The following ADCY9 variants were observed in gnomAD, a reference collection of about 807,000 sequenced individuals.
ADCY9 encodes the protein adenylate cyclase 9.
A neutral mutation model predicts 101.5 loss-of-function variants in ADCY9; 50 were observed. That is an observed-to-expected ratio of 0.49 (90% CI 0.39 to 0.62). The LOEUF is 0.62. Among genes scored for constraint, ADCY9 ranks in the 20% least tolerant of loss-of-function variants. The pLI, the probability that ADCY9 is intolerant of heterozygous loss-of-function variation, is 0.00. For missense variants in ADCY9, 1,662 were observed against 1,800.4 expected, an observed-to-expected ratio of 0.92 and a Z score of 1.39; for synonymous variants, 905 against 769.3, an observed-to-expected ratio of 1.18 and a Z score of -2.92.
intron 2 of ADCY9, among the ~76,000 whole-genome samples, chr16:4,026,981 TTC>T (rs1411280572): frequency 2.6e-5 from 4 of 152,146 alleles, no homozygotes; most frequent in Non-Finnish European, 4.4e-5. Flanking sequence ...CTCTGATTGG[TTC>T]CCTCCCGCAA....
At chr16:4,055,258 C>A (rs369217373) in intron 2 of ADCY9, among the ~76,000 whole-genome samples, 38 of 152,222 alleles carry the variant, frequency 2.5e-4, no homozygotes, top group African/African-American at 8.7e-4. Context: ...TGGGGTCAGG[C>A]GTGGTGGCTT....
intron 3 of ADCY9, among the ~76,000 whole-genome samples, chr16:3,999,737 T>C (rs1416247283): frequency 6.6e-6 from 1 of 152,192 alleles, no homozygotes. Context: ...GGATTATCTT[T>C]GCTCCTTCCC....
At chr16:4,001,850 G>C (rs532863192) in intron 3 of ADCY9, among the ~76,000 whole-genome samples, 1 of 151,790 alleles carries the variant, frequency 6.6e-6, no homozygotes, top group Non-Finnish European at 1.5e-5. Flanking sequence ...CCAGGTTCAA[G>C]AGATTCTCCT....
intron 2 of ADCY9, among the ~76,000 whole-genome samples, chr16:4,010,756 G>A (rs989876856): frequency 2.6e-5 from 4 of 152,158 alleles, no homozygotes; most frequent in Non-Finnish European, 4.4e-5. Flanking sequence ...GCTGTGGCTC[G>A]AACGTGTCCC....
At chr16:4,064,135 A>G (rs1169003352) in intron 2 of ADCY9, among the ~76,000 whole-genome samples, 5 of 152,246 alleles carry the variant, frequency 3.3e-5, no homozygotes, top group Admixed American at 6.5e-5. Context: ...TTTTGTGTAT[A>G]CCAGCAATGA....
chr16:4,001,540 C>A (rs994350394), intron 3 of ADCY9, among the ~76,000 whole-genome samples: 1 of 152,090 alleles, frequency 6.6e-6, no homozygotes, highest in Non-Finnish European at 1.5e-5. Context: ...GTTCCTATTC[C>A]TACCCCGCCC....
intron 2 of ADCY9, among the ~76,000 whole-genome samples, chr16:4,084,609 C>T (rs1173926610): frequency 6.6e-6 from 1 of 151,994 alleles, no homozygotes; most frequent in East Asian, 1.9e-4. Context: ...ACCTCTAGCT[C>T]CAGCTACTCA....
chr16:4,077,733 C>T lies in ADCY9; in HGVS notation c.1693+36017G>A, dbSNP rs149409959. ...ATCAGACACAGGCCAGGCGCGGTGA[C>T]TCACACCTGTAATCCCAACACTTTG... On this transcript the variant is annotated intron_variant, in intron 2 of 10. Transcript: ENST00000294016. Among the ~76,000 whole-genome samples, 1,122 of 152,290 alleles carry T rather than the reference C, an allele frequency of 7.4e-3. 14 individuals are homozygous for T. Among genetic ancestry groups the T allele is most frequent in the African/African-American group, 0.026 (1,086 of 41,570 alleles).
In ADCY9 at chr16:3,969,613, T is replaced by TACG. The variant is rs1491520639; in HGVS notation, c.2871-2648_2871-2647insCGT. Among the ~76,000 whole-genome samples, 305 of 80,988 alleles carry TACG rather than the reference T, an allele frequency of 3.8e-3. 16 individuals carry two copies. The highest frequency in any genetic ancestry group is 9.4e-3 in the African/African-American group (139 of 14,830). 53.1% of individuals were successfully genotyped at this position (80,988 alleles called of 152,430 possible). ...ATATATATATATATATATATATGTA[T>TACG]TTTTTTTTTTTTTTAAGAAGAGACA... On this transcript the variant is annotated intron_variant, in intron 10 of 10. Transcript: ENST00000294016.
At chr16:4,016,491 G>A (rs575074034) in intron 2 of ADCY9, among the ~76,000 whole-genome samples, 7 of 152,268 alleles carry the variant, frequency 4.6e-5, no homozygotes, top group African/African-American at 1.7e-4. Flanking sequence ...AGGGACGGGG[G>A]TCCCAGACCG....
intron 2 of ADCY9, among the ~76,000 whole-genome samples, chr16:4,044,843 A>G (rs7199235): frequency 0.072 from 10,887 of 151,950 alleles, 1,333 homozygotes; most frequent in African/African-American, 0.25. Flanking sequence ...GGGACTCTCC[A>G]CCCCGCCTCT....
intron 2 of ADCY9, among the ~76,000 whole-genome samples, chr16:4,055,442 G>A (rs919450404): frequency 3.9e-5 from 6 of 152,048 alleles, no homozygotes; most frequent in African/African-American, 1.4e-4. Context: ...GCTGAGACAG[G>A]AGAATTGCTT....
chr16:4,019,947 G>A (rs1056081352), intron 2 of ADCY9, among the ~76,000 whole-genome samples: 2 of 152,062 alleles, frequency 1.3e-5, no homozygotes, highest in African/African-American at 2.4e-5. Flanking sequence ...GCGTGGTGGC[G>A]GGAGCCTGTA....
intron 2 of ADCY9, among the ~76,000 whole-genome samples, chr16:4,028,943 C>T (rs912433612): frequency 3.9e-5 from 6 of 152,032 alleles, no homozygotes; most frequent in Admixed American, 1.3e-4. Context: ...TGCCACTGCA[C>T]GCGGCTAATT....
In ADCY9 at chr16:4,010,383, C is replaced by T. The variant is rs560102920; in HGVS notation, c.1694-2825G>A. 5.9e-5 allele frequency among the ~76,000 whole-genome samples: 9 copies of T among 152,322 alleles called. No individual in the cohort carries two copies. The South Asian group carries it at 1.9e-3, about 32-fold the overall frequency. On this transcript the variant is annotated intron_variant, in intron 2 of 10. Transcript: ENST00000294016. ...GGACAGCCAGCACATTCACAGCGCTCAGCACGGCAGTCCACGGGGAGCACG... is the reference window on the plus strand; with the variant it reads ...GGACAGCCAGCACATTCACAGCGCTTAGCACGGCAGTCCACGGGGAGCACG...
chr16:3,963,134 A>ATATATG lies in ADCY9; in HGVS notation c.*2640_*2641insCATATA, dbSNP rs2055953335. On this transcript the variant is annotated 3_prime_UTR_variant, in exon 11 of 11. Transcript: ENST00000294016. ...TATATATATATATATATATATATAT[A>ATATATG]TATATATATGGATATATAATTCGAT... The ATATATG allele has an allele frequency of 8.4e-6, 1 of 118,572 alleles. No homozygotes were observed. Among genetic ancestry groups the ATATATG allele is most frequent in the African/African-American group, 3.1e-5 (1 of 32,108 alleles). 7.3% of individuals were successfully genotyped at this position (118,572 alleles called of 1,614,324 possible). A position where few individuals can be genotyped will look rare whatever the true frequency, so the allele number is the denominator to read the frequency against.
At chr16:4,052,814 T>C (rs1334990842) in intron 2 of ADCY9, among the ~76,000 whole-genome samples, 1 of 152,220 alleles carries the variant, frequency 6.6e-6, no homozygotes, top group East Asian at 1.9e-4. Context: ...TGACCTACCA[T>C]GTTAACTTAG....
chr16:4,083,716 A>T (rs2056919620), intron 2 of ADCY9, among the ~76,000 whole-genome samples: 1 of 152,244 alleles, frequency 6.6e-6, no homozygotes, highest in Admixed American at 6.5e-5. Context: ...ACCATGGGTG[A>T]ACCCAGAAAA....
chr16:3,983,433 T>A lies in ADCY9; in HGVS notation c.2318A>T (p.Lys773Met). Residue 773 changes from lysine (K) to methionine (M), a missense_variant, in exon 7 of 11, where the codon AAG becomes ATG. Physicochemically the swap from Lys to Met is moderately conservative, Grantham distance 95 (BLOSUM62 -1). Around this residue, in one of 5 missense-constraint regions of ADCY9, gnomAD observed 624 missense variants for 639.1 expected, o/e 0.98. Transcript: ENST00000294016. The stretch of plus-strand genomic sequence containing the variant: ...AGCAAACGTCTTCACGGGGGAGTTC[T>A]TTATGACCTGTGTGGAGCAGGAGTG... The part of the protein sequence containing the change: ...YRTSYQEEVI[K>M]NSPVKTFASP... The A allele has an allele frequency of 6.2e-7, 1 of 1,602,996 alleles. No individual in the cohort carries two copies. Among genetic ancestry groups the A allele is most frequent in the Non-Finnish European group, 8.5e-7 (1 of 1,174,402 alleles).
Sources: gnomAD v4.1 joint callset for allele counts (sites outside exome capture counted in the v4.1 genomes callset) on GRCh38, gnomAD v4.1.1 for gene constraint, gnomAD v4.1.1 regional missense constraint, MANE v1.5 for transcripts, NCBI Gene and HGNC (gene_info 2026-07-23, HGNC 2026-07-21) for gene names.